FRMPD3: variants seen among roughly 807,000 people sequenced by gnomAD.
FRMPD3 encodes FERM and PDZ domain containing 3.
FRMPD3 carries 42 observed loss-of-function variants against 97.9 expected under a neutral mutation model. The observed-to-expected ratio is 0.43, with a 90% CI of 0.34 to 0.55. The LOEUF (loss-of-function observed/expected upper bound fraction) is 0.55. FRMPD3 is among the 20% of genes least tolerant of loss of function. The pLI is 0.03. For missense variants in FRMPD3, 1,303 were observed against 1,457.7 expected (o/e 0.89, Z 1.73); for synonymous variants, 577 against 581.1 (o/e 0.99, Z 0.10).
chrX:107,497,901 A>ATG (rs778299934), intron 1 of FRMPD3, among the ~76,000 whole-genome samples: 3 of 110,120 alleles, frequency 2.7e-5, no homozygotes, highest in Non-Finnish European at 3.8e-5. Flanking sequence ...GTGTTTCTGG[A>ATG]TGTGTGTGTG....
intron 1 of FRMPD3, among the ~76,000 whole-genome samples, chrX:107,465,341 C>G (rs1931539312): frequency 9.0e-6 from 1 of 110,536 alleles, no homozygotes; most frequent in Admixed American, 9.7e-5. Flanking sequence ...AATAGTAGTG[C>G]GTACCTGTAA....
intron 5 of FRMPD3, among the ~76,000 whole-genome samples, chrX:107,546,276 G>A (rs1018847874): frequency 9.0e-6 from 1 of 111,570 alleles, no homozygotes; most frequent in Admixed American, 9.5e-5. Context: ...GCCATGCAGT[G>A]GTGAGTAAAG....
chrX:107,560,407 C>G lies in FRMPD3; in HGVS notation c.899+14C>G. On this transcript the variant is annotated intron_variant, in intron 9 of 14. Transcript: ENST00000683843. ...CAAGAATGTGGAGTGAGTTGTGCTG[C>G]GGCCCGTTGGGATGGGGGGCGAATA... 1 of 1,207,476 alleles carries G rather than the reference C, an allele frequency of 8.3e-7. No individual in the cohort carries two copies. The highest frequency in any genetic ancestry group is 1.1e-6 in the Non-Finnish European group (1 of 894,149).
intron 1 of FRMPD3, among the ~76,000 whole-genome samples, chrX:107,477,456 T>C (rs1452849163): frequency 8.9e-6 from 1 of 112,586 alleles, no homozygotes; most frequent in African/African-American, 3.2e-5. Flanking sequence ...CCCATCTGGA[T>C]AGTTCTAGAG....
At chrX:107,525,991 G>A (rs764871317) in intron 1 of FRMPD3, among the ~76,000 whole-genome samples, 6 of 111,205 alleles carry the variant, frequency 5.4e-5, no homozygotes, top group East Asian at 5.6e-4. Flanking sequence ...CAGGAGAATC[G>A]CTTGACCCCG....
chrX:107,535,312 C>T (rs940220113), intron 4 of FRMPD3, among the ~76,000 whole-genome samples: 3 of 111,598 alleles, frequency 2.7e-5, no homozygotes, highest in Admixed American at 9.5e-5. Flanking sequence ...GAAGTTGCAA[C>T]GATAGTACAG....
intron 13 of FRMPD3, 60 bp downstream of exon 13, chrX:107,576,519 T>G (rs1323422282): frequency 1.7e-6 from 2 of 1,147,622 alleles, no homozygotes; most frequent in Non-Finnish European, 2.4e-6. Flanking sequence ...CCTGAAGACA[T>G]GGAGGGAAGA....
chrX:107,512,614 T>C (rs1922195388), intron 1 of FRMPD3, among the ~76,000 whole-genome samples: 1 of 111,002 alleles, frequency 9.0e-6, no homozygotes, highest in African/African-American at 3.3e-5. Flanking sequence ...TTCCCTTCAT[T>C]CCTCATCTCT....
chrX:107,528,913 A>G (rs1349105693), intron 2 of FRMPD3, among the ~76,000 whole-genome samples: 3 of 113,040 alleles, frequency 2.7e-5, no homozygotes, highest in Non-Finnish European at 5.6e-5. Context: ...TCCTCAGCAC[A>G]TAGGCTCTAC....
chrX:107,490,315 G>A (rs1271317737), intron 1 of FRMPD3, among the ~76,000 whole-genome samples: 5 of 111,939 alleles, frequency 4.5e-5, no homozygotes, highest in African/African-American at 6.5e-5. Context: ...TGACTTGGCA[G>A]TGCAGGCTCT....
At chrX:107,539,675 A>G (rs984362281) in intron 4 of FRMPD3, among the ~76,000 whole-genome samples, 1 of 111,505 alleles carries the variant, frequency 9.0e-6, no homozygotes, top group African/African-American at 3.3e-5. Flanking sequence ...CAGATGGTAG[A>G]TACTCCAACC....
chrX:107,596,863 G>A (rs991951454), intron 13 of FRMPD3, among the ~76,000 whole-genome samples: 1 of 112,093 alleles, frequency 8.9e-6, no homozygotes, highest in African/African-American at 3.2e-5. Context: ...ATTTCCTTCT[G>A]CTAGAAGAGA....
At chrX:107,549,507 T>G (rs1921766930) in intron 5 of FRMPD3, among the ~76,000 whole-genome samples, 1 of 109,361 alleles carries the variant, frequency 9.1e-6, no homozygotes, top group Admixed American at 9.8e-5. Flanking sequence ...GTGTGGGTAC[T>G]AGGAATAGCA....
At chrX:107,562,954 C>T (rs1243211593) in intron 10 of FRMPD3, among the ~76,000 whole-genome samples, 157 bp from the exon 11 acceptor site, 1 of 111,828 alleles carries the variant, frequency 8.9e-6, no homozygotes, top group Non-Finnish European at 1.9e-5. Flanking sequence ...CAAACTAGAA[C>T]CTTGCTGCTG....
intron 3 of FRMPD3, among the ~76,000 whole-genome samples, chrX:107,530,812 T>A (rs1021038502): frequency 1.8e-5 from 2 of 110,221 alleles, no homozygotes; most frequent in Non-Finnish European, 3.8e-5. Flanking sequence ...CCCTTTGTTT[T>A]TTTCCAGCGG....
At chrX:107,533,698 C>T (rs982819174) in intron 4 of FRMPD3, 148 bp downstream of exon 4, 2 of 502,801 alleles carry the variant, frequency 4.0e-6, no homozygotes, top group African/African-American at 4.7e-5. Flanking sequence ...TAAAGAATAC[C>T]TTCTGAACAG....
intron 12 of FRMPD3, among the ~76,000 whole-genome samples, chrX:107,573,821 G>A (rs1387081423): frequency 1.8e-5 from 2 of 112,498 alleles, no homozygotes; most frequent in Non-Finnish European, 3.7e-5. Context: ...TATAGACATA[G>A]CACCATATGA....
rs779735078 is a variant in FRMPD3, at chrX:107,465,865, C to T, written c.-8+15860C>T. Among the ~76,000 whole-genome samples the T allele has an allele frequency of 4.6e-5, 5 of 108,662 alleles. No individual in the cohort carries two copies. The East Asian group carries it at 1.1e-3, about 25-fold the overall frequency. The allele number at this position is 108,662 out of a possible 115,157, so 94.4% of individuals were successfully genotyped here. On this transcript the variant is annotated intron_variant, in intron 1 of 14. Coordinates refer to ENST00000683843, the MANE Select transcript of FRMPD3 (RefSeq NM_001388459.1). ...AATAAAATACTGGTCCTTTAAGCTG[C>T]TCTACCAAAAAAAAAAAGAAAAAAA...
chrX:107,566,578 A>G (rs971389948), intron 12 of FRMPD3, among the ~76,000 whole-genome samples: 1 of 112,634 alleles, frequency 8.9e-6, no homozygotes, highest in Non-Finnish European at 1.9e-5. Flanking sequence ...AAATAGAGAC[A>G]CAGCTTTCCA....
Sources: gnomAD v4.1 joint callset for allele counts (sites outside exome capture counted in the v4.1 genomes callset) on GRCh38, gnomAD v4.1.1 for gene constraint, MANE v1.5 for transcripts, NCBI Gene and HGNC (gene_info 2026-07-23, HGNC 2026-07-21) for gene names.